The following CAPN11 variants were observed in gnomAD, a reference collection of about 807,000 sequenced individuals.
CAPN11 encodes calpain-11.
CAPN11 carries 108 observed loss-of-function variants against 105.3 expected under a neutral mutation model. That is an observed-to-expected ratio of 1.03 (90% CI 0.88 to 1.20). The LOEUF (loss-of-function observed/expected upper bound fraction) is 1.20. Among genes scored for constraint, CAPN11 ranks in the 50% most tolerant of loss-of-function variants. The pLI is 0.00. For synonymous variants in CAPN11, 329 were observed against 344.5 expected (o/e 0.96, Z 0.50); for missense variants, 883 against 924.8 (o/e 0.95, Z 0.59).
In CAPN11 at chr6:44,183,251, A is replaced by G. The variant is rs775852375; in HGVS notation, c.2134+16A>G. The G allele has an allele frequency of 1.3e-6, 2 of 1,534,148 alleles. No individual in the cohort carries two copies. The highest frequency in any genetic ancestry group is 9.0e-7 in the Non-Finnish European group (1 of 1,107,258). ...ACCATGTTCAGTGAGTTAGGCATCT[A>G]CCCACTCCCCAGCCTAGGCCAGGGG... On this transcript the variant is annotated intron_variant, in intron 21 of 22. Coordinates refer to ENST00000398776, the MANE Select transcript of CAPN11 (RefSeq NM_007058.4).
intron 2 of CAPN11, among the ~76,000 whole-genome samples, chr6:44,167,916 G>GCAAA (rs1582864271): frequency 6.1e-5 from 9 of 148,524 alleles, no homozygotes; most frequent in East Asian, 6.0e-4. Flanking sequence ...ACTCTGTTTT[G>GCAAA]AAAAAAAAAA....
In CAPN11 at chr6:44,183,052, G is replaced by A. The variant is rs370780287; in HGVS notation, c.2017+33G>A. 9.9e-5 allele frequency: 158 copies of A among 1,602,056 alleles called. 1 individual carries two copies. Among genetic ancestry groups the A allele is most frequent in the Middle Eastern group, 3.3e-4 (2 of 6,064 alleles). ...AGGGTCAGGAGTGGGCCTTGGGGCAGGGAAGAGGATGGCAGTGTCCAGAGG... is the reference window on the plus strand; with the variant it reads ...AGGGTCAGGAGTGGGCCTTGGGGCAAGGAAGAGGATGGCAGTGTCCAGAGG... On this transcript the variant is annotated intron_variant, in intron 20 of 22. Coordinates refer to ENST00000398776, the MANE Select transcript of CAPN11 (RefSeq NM_007058.4).
intron 19 of CAPN11, among the ~76,000 whole-genome samples, chr6:44,181,556 CATACAG>C (rs1773390982): frequency 1.2e-5 from 1 of 82,026 alleles, no homozygotes; most frequent in Non-Finnish European, 2.5e-5. Flanking sequence ...CACACACTCA[CATACAG>C]ACACAACCAC....
intron 4 of CAPN11, 139 bp downstream of exon 4, chr6:44,170,114 A>G: frequency 1.5e-6 from 1 of 672,156 alleles, no homozygotes. Flanking sequence ...TCCCCTTCTG[A>G]GGAGATGACA....
rs944634311 is a variant in CAPN11, at chr6:44,169,971, C to A, written c.405C>A (p.Ile135=). The change falls in exon 4 of 23, where the codon ATC becomes ATA. Residue 135 remains isoleucine, a synonymous_variant. Coordinates refer to ENST00000398776, the MANE Select transcript of CAPN11 (RefSeq NM_007058.4). ...GISPTDICQG[I]LGDCWLLAAI... ...CTCCAACAGACATCTGCCAGGGGAT[C>A]CTCGGTGAGTGGGGCACAGGAAGCT... is the stretch of plus-strand genomic sequence containing the variant. 2.5e-6 allele frequency: 4 copies of A among 1,609,554 alleles called. No individual in the cohort carries two copies. The African/African-American group carries it at 5.3e-5, about 21-fold the overall frequency.
chr6:44,170,067 C>T, intron 4 of CAPN11, 92 bp downstream of exon 4: 1 of 969,704 alleles, frequency 1.0e-6, no homozygotes, highest in South Asian at 1.4e-5. Context: ...AACAGGGAGC[C>T]CTGAGGTCAG....
In CAPN11 at chr6:44,180,699, G is replaced by C. The variant is rs202097983; in HGVS notation, c.1746+37G>C. 1.7e-3 allele frequency: 2,770 copies of C among 1,613,526 alleles called. 13 individuals are homozygous for C. The highest frequency in any genetic ancestry group is 0.015 in the Admixed American group (884 of 59,990). On this transcript the variant is annotated intron_variant, in intron 16 of 22. Transcript: ENST00000398776. ...ACGAGCGGAGGGCTGACAGGAGGGG[G>C]ATGAGGGGCTGGAGGGGCCCGAGTG...
At chr6:44,169,843 A>G (rs377006509) in intron 3 of CAPN11, 63 bp from the exon 4 acceptor site, 6 of 1,291,876 alleles carry the variant, frequency 4.6e-6, no homozygotes, top group Non-Finnish European at 1.1e-6. Flanking sequence ...CCCCAGCAAA[A>G]GTGGGAGAAA....
At chr6:44,159,776 A>C (rs1012455115) in intron 1 of CAPN11, among the ~76,000 whole-genome samples, 1 of 151,936 alleles carries the variant, frequency 6.6e-6, no homozygotes, top group Non-Finnish European at 1.5e-5. Context: ...GTTTTTTCCC[A>C]GTGCCGGAAA....
chr6:44,169,125 G>A (rs1184198348), intron 2 of CAPN11, 156 bp from the exon 3 acceptor site: 3 of 849,382 alleles, frequency 3.5e-6, no homozygotes, highest in South Asian at 1.6e-5. Flanking sequence ...GTCGAGATGA[G>A]ATCTCACCAT....
chr6:44,176,551 CT>C (rs777157996), intron 9 of CAPN11, 29 bp from the exon 10 acceptor site: 18 of 1,604,524 alleles, frequency 1.1e-5, no homozygotes, highest in Non-Finnish European at 1.4e-5. Context: ...ACCTCCGCCC[CT>C]CTCCTTCCAC....
chr6:44,162,368 G>GACACACACACACAC (rs57009949), intron 1 of CAPN11, among the ~76,000 whole-genome samples: 3 of 138,654 alleles, frequency 2.2e-5, no homozygotes, highest in Non-Finnish European at 3.1e-5. Context: ...TTTGAATAAA[G>GACACACACACACAC]ACACACACAC....
In CAPN11 at chr6:44,162,025, T is replaced by A. The variant is rs532131749; in HGVS notation, c.16+3161T>A. ...GGCGCCCAGCAGCATCCCTGGCCTC[T>A]ACTTACTAGATGCCAGTAGCTCCCC... is the stretch of plus-strand genomic sequence containing the variant. On this transcript the variant is annotated intron_variant, in intron 1 of 22. Transcript: ENST00000398776. The A allele has an allele frequency of 2.7e-3, 1,053 of 396,232 alleles. 4 individuals carry two copies. Among genetic ancestry groups the A allele is most frequent in the Non-Finnish European group, 3.7e-3 (716 of 192,920 alleles). 24.5% of individuals were successfully genotyped at this position (396,232 alleles called of 1,614,324 possible). A position where few individuals can be genotyped will look rare whatever the true frequency, so the allele number is the denominator to read the frequency against.
In CAPN11 at chr6:44,184,152, C is replaced by A. The variant is rs117608105; in HGVS notation, c.*220C>A. The A allele has an allele frequency of 1.6e-3, 905 of 582,536 alleles. 13 individuals carry two copies. The East Asian group carries it at 0.023, about 15-fold the overall frequency. 36.1% of individuals were successfully genotyped at this position (582,536 alleles called of 1,614,324 possible). On this transcript the variant is annotated 3_prime_UTR_variant, in exon 23 of 23. Transcript: ENST00000398776. ...GAGGCTTTCTCTTTTTTCCCCAACC[C>A]GGCTTCTGATGGCTGGCTTTCCCCC...
At chr6:44,160,477 C>T (rs147621432) in intron 1 of CAPN11, among the ~76,000 whole-genome samples, 3,019 of 151,902 alleles carry the variant, frequency 0.02, 91 homozygotes, top group African/African-American at 0.069. Context: ...ATAAGCCAGG[C>T]GTGGTGGCGG....
intron 19 of CAPN11, among the ~76,000 whole-genome samples, chr6:44,182,183 C>G (rs1229357533): frequency 2.0e-5 from 2 of 101,556 alleles, no homozygotes; most frequent in Non-Finnish European, 2.1e-5. Context: ...CACATACACA[C>G]TCACATACAG....
intron 9 of CAPN11, 50 bp downstream of exon 9, chr6:44,176,388 G>A (rs1227524480): frequency 5.2e-6 from 8 of 1,528,476 alleles, no homozygotes; most frequent in African/African-American, 1.4e-5. Context: ...ACAGCAGGCG[G>A]TGCCAGGTGG....
At position 44,180,182 on chromosome 6, in the gene CAPN11, C is replaced by T. The variant is rs371046350; in HGVS notation, c.1640+19C>T. The T allele has an allele frequency of 3.4e-4, 540 of 1,571,288 alleles. No individual in the cohort carries two copies. The highest frequency in any genetic ancestry group is 1.5e-3 in the Middle Eastern group (7 of 4,682). The stretch of plus-strand genomic sequence containing the variant: ...AGTCATGGTAAGGGGCTGCAGCTCA[C>T]TGCTCCAAGGCCCGCCACCCAAGAG... On this transcript the variant is annotated intron_variant, in intron 14 of 22. Coordinates refer to ENST00000398776, the MANE Select transcript of CAPN11 (RefSeq NM_007058.4).
At chr6:44,169,635 T>C in intron 3 of CAPN11, 104 bp downstream of exon 3, 2 of 1,248,860 alleles carry the variant, frequency 1.6e-6, no homozygotes, top group South Asian at 3.2e-5. Context: ...ACTACCCCAT[T>C]CTGACCCTGG....
Sources: gnomAD v4.1 joint callset for allele counts (sites outside exome capture counted in the v4.1 genomes callset) on GRCh38, gnomAD v4.1.1 for gene constraint, MANE v1.5 for transcripts, NCBI Gene and HGNC (gene_info 2026-07-23, HGNC 2026-07-21) for gene names.